BEND5: variants seen among roughly 807,000 people sequenced by gnomAD.
The protein encoded by BEND5 is BEN domain-containing protein 5.
Under a neutral mutation model 43.9 loss-of-function variants are expected in BEND5, and 22 were observed. That is an observed-to-expected ratio of 0.50 (90% confidence interval 0.36 to 0.72). The LOEUF is 0.72. Ranked by LOEUF, BEND5 falls within the 30% of genes least tolerant of loss-of-function variation. BEND5 has a pLI of 0.00. For missense variants in BEND5, 428 were observed against 550.6 expected (o/e 0.78, Z 2.23); for synonymous variants, 228 against 225.9 (o/e 1.01, Z -0.08).
chr1:48,741,413 G>A lies in BEND5; in HGVS notation c.894+1210C>T, dbSNP rs549149951. Among the ~76,000 whole-genome samples the A allele has an allele frequency of 5.3e-5, 8 of 152,330 alleles. No homozygotes were observed. In the South Asian group the frequency reaches 8.3e-4, roughly 16 times the overall value. ...CTAAGAACTCAGGCTCCAGGCTGCC[G>A]ACTTCCAACTTGTCATGCCACCTCT... is the stretch of plus-strand genomic sequence containing the variant. On this transcript the variant is annotated intron_variant, in intron 4 of 5. Coordinates refer to ENST00000371833, the MANE Select transcript of BEND5 (RefSeq NM_024603.4).
intron 4 of BEND5, 98 bp downstream of exon 4, chr1:48,742,525 C>A: frequency 3.2e-6 from 4 of 1,256,270 alleles, no homozygotes; most frequent in Non-Finnish European, 4.1e-6. Flanking sequence ...GGAGGCCAAC[C>A]AGTCAAGCTG....
At chr1:48,756,001 C>A (rs1010928560) in intron 3 of BEND5, among the ~76,000 whole-genome samples, 35 of 152,104 alleles carry the variant, frequency 2.3e-4, no homozygotes, top group Non-Finnish European at 1.5e-5. Context: ...TGGGGGTGCC[C>A]GAGTTAAAAG....
chr1:48,755,272 C>T (rs1557950928), intron 3 of BEND5, among the ~76,000 whole-genome samples: 1 of 152,170 alleles, frequency 6.6e-6, no homozygotes, highest in Non-Finnish European at 1.5e-5. Context: ...CTGCTCTCCA[C>T]TACCATCTAC....
chr1:48,765,572 C>G (rs147418418), intron 1 of BEND5, among the ~76,000 whole-genome samples: 1 of 152,050 alleles, frequency 6.6e-6, no homozygotes, highest in African/African-American at 2.4e-5. Context: ...GGTGTATATG[C>G]AAGATAAATG....
chr1:48,746,132 A>C (rs1319221645), intron 3 of BEND5, among the ~76,000 whole-genome samples: 2 of 152,198 alleles, frequency 1.3e-5, no homozygotes, highest in Non-Finnish European at 2.9e-5. Flanking sequence ...AGGAAAGATA[A>C]CAGTGACTTG....
chr1:48,736,390 T>A lies in BEND5; in HGVS notation c.957A>T (p.Gln319His). 1 of 1,614,190 alleles carries A rather than the reference T, an allele frequency of 6.2e-7. No individual in the cohort carries two copies. The highest frequency in any genetic ancestry group is 8.5e-7 in the Non-Finnish European group (1 of 1,180,036). ...AGTTCTTCGTGTACTTGGAATCTCCTTGGGTTACTTGTAGCTGGTGCCATT... is the reference window on the plus strand; with the variant it reads ...AGTTCTTCGTGTACTTGGAATCTCCATGGGTTACTTGTAGCTGGTGCCATT... The part of the protein sequence containing the change: ...EEKWHQLQVT[Q>H]GDSKYTKNLA... Residue 319 changes from glutamine to histidine, a missense_variant, in exon 5 of 6, where the codon CAA (glutamine) becomes CAT (histidine). By Grantham distance (24) the Gln-to-His change is conservative. This residue lies in a region of BEND5 where 75 missense variants were observed against 148.5 expected (regional missense o/e 0.50). Transcript: ENST00000371833. This position sits in a 1 kb window ranked among gnomAD's most constrained non-coding sequence, Gnocchi z 4.0.
At chr1:48,759,795 G>C (rs1056503648) in intron 2 of BEND5, among the ~76,000 whole-genome samples, 19 of 152,202 alleles carry the variant, frequency 1.2e-4, no homozygotes, top group Non-Finnish European at 7.3e-5. Flanking sequence ...CATCGACAAT[G>C]CTTTAGATGG....
chr1:48,758,493 T>C (rs1282863728), intron 3 of BEND5, among the ~76,000 whole-genome samples: 2 of 152,232 alleles, frequency 1.3e-5, no homozygotes, highest in Non-Finnish European at 2.9e-5. Context: ...CATTCTCCTT[T>C]GGCATTTATC....
At chr1:48,767,447 T>C (rs559921467) in intron 1 of BEND5, among the ~76,000 whole-genome samples, 4 of 152,066 alleles carry the variant, frequency 2.6e-5, no homozygotes, top group Non-Finnish European at 5.9e-5. Context: ...AAAGAGATGT[T>C]TTAGGAAGAT....
intron 1 of BEND5, among the ~76,000 whole-genome samples, chr1:48,771,945 G>A (rs948915464): frequency 2.6e-5 from 4 of 152,230 alleles, no homozygotes; most frequent in African/African-American, 7.2e-5. Context: ...AAAGTTGAAT[G>A]AAAACTTAAA....
intron 1 of BEND5, among the ~76,000 whole-genome samples, chr1:48,774,921 G>A (rs1305834406): frequency 6.6e-6 from 1 of 152,126 alleles, no homozygotes; most frequent in African/African-American, 2.4e-5. Context: ...TACTCTCCTA[G>A]GACCCTTCCA....
chr1:48,774,917 C>G (rs964445588), intron 1 of BEND5, among the ~76,000 whole-genome samples: 4 of 152,220 alleles, frequency 2.6e-5, no homozygotes, highest in Non-Finnish European at 5.9e-5. Flanking sequence ...CTTCTACTCT[C>G]CTAGGACCCT....
At chr1:48,743,358 A>T (rs1247230367) in intron 3 of BEND5, among the ~76,000 whole-genome samples, 3 of 152,206 alleles carry the variant, frequency 2.0e-5, no homozygotes, top group Non-Finnish European at 4.4e-5. Flanking sequence ...ATCAACACAA[A>T]TTACATGCAG....
At position 48,764,843 on chromosome 1, in the gene BEND5, C is replaced by T. The variant is rs143522981; in HGVS notation, c.227-3373G>A. Among the ~76,000 whole-genome samples, 260 of 152,284 alleles carry T rather than the reference C, an allele frequency of 1.7e-3. 2 individuals carry two copies. Among genetic ancestry groups the T allele is most frequent in the Non-Finnish European group, 2.5e-3 (171 of 68,022 alleles). ...GAGCCCCGTGCAGACAAAGGTGCAGCGGATGACAGAGCTCAGCAAGGACTG... is the reference window on the plus strand; with the variant it reads ...GAGCCCCGTGCAGACAAAGGTGCAGTGGATGACAGAGCTCAGCAAGGACTG... On this transcript the variant is annotated intron_variant, in intron 1 of 5. Transcript: ENST00000371833.
chr1:48,735,959 G>A (rs903420782), intron 5 of BEND5, among the ~76,000 whole-genome samples: 2 of 152,058 alleles, frequency 1.3e-5, no homozygotes, highest in African/African-American at 4.8e-5. Flanking sequence ...CCAGCTAAGG[G>A]TATCCTCCCC....
chr1:48,730,209 T>C (rs1254672442), intron 5 of BEND5, among the ~76,000 whole-genome samples: 1 of 152,110 alleles, frequency 6.6e-6, no homozygotes, highest in African/African-American at 2.4e-5. Flanking sequence ...ACTGGGACAC[T>C]CAGGCATTCC....
At chr1:48,767,297 G>C (rs1048746853) in intron 1 of BEND5, among the ~76,000 whole-genome samples, 1 of 152,178 alleles carries the variant, frequency 6.6e-6, no homozygotes, top group Non-Finnish European at 1.5e-5. Flanking sequence ...GCATGTAAAA[G>C]CACCAAGCAC....
intron 4 of BEND5, among the ~76,000 whole-genome samples, chr1:48,740,212 G>C (rs1169871959): frequency 6.6e-6 from 1 of 152,224 alleles, no homozygotes; most frequent in Non-Finnish European, 1.5e-5. Context: ...CGGGGCATTT[G>C]AGACAAGGGC....
chr1:48,736,315 T>G lies in BEND5; in HGVS notation c.1032A>C (p.Thr344=), dbSNP rs1649044129. The G allele has an allele frequency of 9.3e-6, 15 of 1,614,110 alleles. No individual in the cohort carries two copies. The highest frequency in any genetic ancestry group is 1.3e-5 in the Non-Finnish European group (15 of 1,180,040). ...GTDVLKNRSV[T]GVATKKKKDA... Reference sequence around the variant, plus strand: ...CTTTCTTTTTTTTTGTGGCGACGCCTGTGACGCTTCTGTTTTTCAGAACAT... The same window carrying G: ...CTTTCTTTTTTTTTGTGGCGACGCCGGTGACGCTTCTGTTTTTCAGAACAT... Residue 344 remains threonine (T), a synonymous_variant, in exon 5 of 6, where the codon ACA becomes ACC. Coordinates refer to ENST00000371833, the MANE Select transcript of BEND5 (RefSeq NM_024603.4). The surrounding 1 kb of genome is among the most constrained non-coding windows in gnomAD (Gnocchi z 4.0).
Sources: allele counts gnomAD v4.1 joint callset (sites outside exome capture counted in the v4.1 genomes callset), GRCh38; gene constraint gnomAD v4.1.1; regional missense constraint gnomAD v4.1.1; non-coding constraint Gnocchi (gnomAD v3.1); transcripts MANE v1.5; gene names NCBI Gene and HGNC (gene_info 2026-07-23, HGNC 2026-07-21).